The following R3HDM1 variants were observed in gnomAD, a reference collection of about 807,000 sequenced individuals.
R3HDM1 encodes R3H domain-containing protein 1.
R3HDM1 carries 46 observed loss-of-function variants against 141.1 expected under a neutral mutation model. The ratio of observed to expected loss-of-function variants is 0.33; its 90% CI spans 0.26 to 0.42. The LOEUF is 0.42. Ranked by LOEUF, R3HDM1 falls within the 10% of genes least tolerant of loss-of-function variation. The probability of loss-of-function intolerance (pLI) is 1.00; values close to 1 mark genes in which losing one functional copy is unlikely to be tolerated. For missense variants in R3HDM1, 1,184 were observed against 1,368.3 expected (o/e 0.87, Z 2.12); for synonymous variants, 435 against 472.9 (o/e 0.92, Z 1.04).
chr2:135,583,123 T>C (rs1559168075), intron 1 of R3HDM1, among the ~76,000 whole-genome samples: 1 of 152,226 alleles, frequency 6.6e-6, no homozygotes, highest in African/African-American at 2.4e-5. Flanking sequence ...ATACCAACCA[T>C]GTGTATACTG....
intron 20 of R3HDM1, among the ~76,000 whole-genome samples, chr2:135,677,917 C>T (rs2069485988): frequency 6.6e-6 from 1 of 151,908 alleles, no homozygotes; most frequent in Admixed American, 6.6e-5. Context: ...TAGTAGTGGT[C>T]GGTCGCTTGC....
chr2:135,541,485 G>A (rs1487818931), intron 1 of R3HDM1, among the ~76,000 whole-genome samples: 2 of 152,156 alleles, frequency 1.3e-5, no homozygotes, highest in African/African-American at 4.8e-5. Context: ...TGGGATTACA[G>A]GCGTGAGCCA....
At chr2:135,722,366 G>T in intron 25 of R3HDM1, 103 bp from the exon 26 acceptor site, 1 of 1,234,974 alleles carries the variant, frequency 8.1e-7, no homozygotes, top group Non-Finnish European at 1.1e-6. Flanking sequence ...CTGCCAGAGT[G>T]CAAAACCCAA....
chr2:135,686,270 A>G (rs2071327519), intron 21 of R3HDM1, among the ~76,000 whole-genome samples: 1 of 152,106 alleles, frequency 6.6e-6, no homozygotes, highest in African/African-American at 2.4e-5. Flanking sequence ...AGAAGTTCCT[A>G]AAAAAAATAA....
chr2:135,638,762 G>A lies in R3HDM1; in HGVS notation c.965G>A (p.Ser322Asn), dbSNP rs764506161. Residue 322 changes from serine (S) to asparagine (N), a missense_variant, in exon 13 of 27, where the codon AGT (serine) becomes AAT (asparagine). By Grantham distance (46) the Ser-to-Asn change is conservative. This residue lies in a region of R3HDM1 where 240 missense variants were observed against 312.3 expected (regional missense o/e 0.77). Coordinates refer to ENST00000683871, the MANE Select transcript of R3HDM1 (RefSeq NM_001378107.1). ...DKRLQDEDAS[S>N]TQQRRQIFRV... is the part of the protein sequence containing the mutation. ...AGACTCCAAGACGAGGATGCCAGTA[G>A]TACCCAGCAGAGGCGCCAGATATTT... 4 of 1,614,052 alleles carry A rather than the reference G, an allele frequency of 2.5e-6. No individual in the cohort carries two copies. Among genetic ancestry groups the A allele is most frequent in the Non-Finnish European group, 3.4e-6 (4 of 1,180,002 alleles).
intron 1 of R3HDM1, chr2:135,586,855 C>G: frequency 1.0e-6 from 1 of 985,232 alleles, no homozygotes; most frequent in South Asian, 4.7e-5. Flanking sequence ...AAAATGACTT[C>G]TCTTTCAAGT....
intron 24 of R3HDM1, among the ~76,000 whole-genome samples, chr2:135,721,335 A>G (rs2076677990): frequency 1.3e-5 from 2 of 152,256 alleles, no homozygotes; most frequent in South Asian, 4.1e-4. Flanking sequence ...TTAGCCAGGC[A>G]TGGTAGTTTG....
chr2:135,536,821 C>A (rs1286883365), intron 1 of R3HDM1: 2 of 604,788 alleles, frequency 3.3e-6, no homozygotes, highest in Non-Finnish European at 4.1e-6. Context: ...TGAGCTCTGC[C>A]TCCTGTCAGA....
In R3HDM1 at chr2:135,532,275, C is replaced by G. The variant is rs138320510; in HGVS notation, c.-250+642C>G. ...AAGAAAGTTGAATGACTGTCAGTGC[C>G]ACGGTCCCCCGGGATCAGATTTACA... On this transcript the variant is annotated intron_variant, in intron 1 of 26. Transcript: ENST00000683871. Among the ~76,000 whole-genome samples, 452 of 152,348 alleles carry G rather than the reference C, an allele frequency of 3.0e-3. 3 individuals are homozygous for G. Among genetic ancestry groups the G allele is most frequent in the African/African-American group, 0.01 (421 of 41,584 alleles).
In R3HDM1 at chr2:135,724,712, T is replaced by A. The variant is rs2077013970; in HGVS notation, c.*420T>A. ...AACTTAAAATTTGGGGGAAAAAGAA[T>A]GCAGGAGTGAAATAACCAAGTCAAA... On this transcript the variant is annotated 3_prime_UTR_variant, in exon 27 of 27. Coordinates refer to ENST00000683871, the MANE Select transcript of R3HDM1 (RefSeq NM_001378107.1). 1 of 156,260 alleles carries A rather than the reference T, an allele frequency of 6.4e-6. No homozygotes were observed. Among genetic ancestry groups the A allele is most frequent in the Admixed American group, 6.4e-5 (1 of 15,610 alleles). 9.7% of individuals were successfully genotyped at this position (156,260 alleles called of 1,614,324 possible).
At chr2:135,615,873 T>G (rs2060979296) in intron 3 of R3HDM1, among the ~76,000 whole-genome samples, 3 of 152,222 alleles carry the variant, frequency 2.0e-5, no homozygotes, top group African/African-American at 7.2e-5. Flanking sequence ...TAAGTTCCAT[T>G]GTACTCAATT....
At chr2:135,607,856 A>T in intron 3 of R3HDM1, 4 of 983,400 alleles carry the variant, frequency 4.1e-6, no homozygotes, top group Non-Finnish European at 4.8e-6. Flanking sequence ...CTTCTTTACC[A>T]AGGGAATACC....
At position 135,724,579 on chromosome 2, in the gene R3HDM1, A is replaced by G. The variant is rs898623593; in HGVS notation, c.*287A>G. On this transcript the variant is annotated 3_prime_UTR_variant, in exon 27 of 27. Transcript: ENST00000683871. ...TATAGTTATTTTGTTTTATATTTCT[A>G]AATTCTTGTATCAGATCCAAAGCTC... is the stretch of plus-strand genomic sequence containing the variant. 1.5e-5 allele frequency: 4 copies of G among 275,072 alleles called. No homozygotes were observed. Among genetic ancestry groups the G allele is most frequent in the South Asian group, 1.1e-4 (1 of 9,048 alleles). The allele number at this position is 275,072 out of a possible 1,614,324, so 17.0% of individuals were successfully genotyped here.
intron 19 of R3HDM1, chr2:135,667,028 G>A: frequency 2.5e-6 from 2 of 785,780 alleles, no homozygotes; most frequent in Non-Finnish European, 1.5e-6. Context: ...TAGATTCATG[G>A]GTATTCTAAG....
At chr2:135,556,187 G>A (rs920324135) in intron 1 of R3HDM1, among the ~76,000 whole-genome samples, 1 of 152,192 alleles carries the variant, frequency 6.6e-6, no homozygotes, top group African/African-American at 2.4e-5. Flanking sequence ...GAGACACAAA[G>A]TAAATTAGTG....
chr2:135,698,594 G>A (rs1288839382), intron 21 of R3HDM1, among the ~76,000 whole-genome samples: 2 of 151,968 alleles, frequency 1.3e-5, no homozygotes, highest in South Asian at 4.2e-4. Context: ...GTCTGTTCTC[G>A]CATTGCTATA....
At chr2:135,550,578 G>C (rs1278061141) in intron 1 of R3HDM1, among the ~76,000 whole-genome samples, 1 of 152,170 alleles carries the variant, frequency 6.6e-6, no homozygotes, top group African/African-American at 2.4e-5. Flanking sequence ...ACGATAAGGG[G>C]TAATTGGTGT....
At chr2:135,571,847 A>G (rs2104997190) in intron 1 of R3HDM1, among the ~76,000 whole-genome samples, 1 of 152,272 alleles carries the variant, frequency 6.6e-6, no homozygotes, top group South Asian at 2.1e-4. Flanking sequence ...GCTAGTCTCG[A>G]ACTCCTGGAC....
chr2:135,587,094 T>C (rs1196599211), intron 1 of R3HDM1: 1 of 676,238 alleles, frequency 1.5e-6, no homozygotes, highest in Non-Finnish European at 1.8e-6. Context: ...TAATCAGATA[T>C]CACATTGCAA....
Sources: gnomAD v4.1 joint callset for allele counts (sites outside exome capture counted in the v4.1 genomes callset) on GRCh38, gnomAD v4.1.1 for gene constraint, gnomAD v4.1.1 regional missense constraint, MANE v1.5 for transcripts, NCBI Gene and HGNC (gene_info 2026-07-23, HGNC 2026-07-21) for gene names.